The following SPIDR variants were observed in gnomAD, a reference collection of about 807,000 sequenced individuals.
SPIDR encodes the protein scaffold protein involved in DNA repair, also known as DNA repair-scaffolding protein.
A neutral mutation model predicts 104.6 loss-of-function variants in SPIDR; 93 were observed. That is an observed-to-expected ratio of 0.89 (90% CI 0.75 to 1.06). The LOEUF (loss-of-function observed/expected upper bound fraction) is 1.06, where lower values mean the gene tolerates loss of function less well. Ranked by LOEUF, SPIDR falls within the 50% of genes least tolerant of loss-of-function variation. The pLI is 0.00. For missense variants in SPIDR, 1,154 were observed against 1,111.2 expected (o/e 1.04, Z -0.55); for synonymous variants, 431 against 416.9 (o/e 1.03, Z -0.41).
Position 47,482,441 on chromosome 8 carries a change from A to G in SPIDR, c.1097+41899A>G, listed in dbSNP as rs2077000160. Among the ~76,000 whole-genome samples, 3 of 152,168 alleles carry G rather than the reference A, an allele frequency of 2.0e-5. No homozygotes were observed. The South Asian group carries it at 6.2e-4, about 32-fold the overall frequency. The stretch of plus-strand genomic sequence containing the variant: ...AGAGCGAGGCCCTGTCTCAAAAAAA[A>G]AAGTCTCATGACTTCGTCTCCTAGA... On this transcript the variant is annotated intron_variant, in intron 8 of 19. Transcript: ENST00000297423.
intron 14 of SPIDR, among the ~76,000 whole-genome samples, chr8:47,703,868 T>C (rs959572394): frequency 6.6e-6 from 1 of 151,974 alleles, no homozygotes; most frequent in Admixed American, 6.6e-5. Context: ...CACAGTGCGG[T>C]GTGTGTCAGG....
intron 7 of SPIDR, among the ~76,000 whole-genome samples, chr8:47,416,960 C>G (rs1471605598): frequency 1.6e-4 from 24 of 152,086 alleles, no homozygotes; most frequent in Non-Finnish European, 2.8e-4. Context: ...TGAACTCATC[C>G]TTTTTTTATG....
At chr8:47,623,056 G>A (rs1020264831) in intron 10 of SPIDR, among the ~76,000 whole-genome samples, 24 of 152,162 alleles carry the variant, frequency 1.6e-4, no homozygotes, top group Admixed American at 1.4e-3. Context: ...ACCTTGTAGT[G>A]CACTAACAGC....
intron 8 of SPIDR, among the ~76,000 whole-genome samples, chr8:47,516,970 G>T (rs933728669): frequency 6.6e-6 from 1 of 152,100 alleles, no homozygotes; most frequent in African/African-American, 2.4e-5. Flanking sequence ...ATTCTAATGG[G>T]TGTGAAGTGG....
chr8:47,317,763 A>G (rs1266428348), intron 5 of SPIDR, among the ~76,000 whole-genome samples: 1 of 152,038 alleles, frequency 6.6e-6, no homozygotes, highest in Non-Finnish European at 1.5e-5. Context: ...CAGAGGAACA[A>G]TCAGGCAGCA....
chr8:47,374,979 CG>C, intron 5 of SPIDR, among the ~76,000 whole-genome samples: 1 of 152,050 alleles, frequency 6.6e-6, no homozygotes, highest in East Asian at 1.9e-4. Flanking sequence ...CACTTGAACC[CG>C]GGCAGTGGAG....
In SPIDR at chr8:47,280,034, A is replaced by G. The variant is rs2037395909; in HGVS notation, c.189+17A>G. ...GGGAATCCGGTAAAGTATCTGTAGA[A>G]TTGTTTTCCCTGAATGCCAAAGAGG... On this transcript the variant is annotated intron_variant, in intron 2 of 19. Coordinates refer to ENST00000297423, the MANE Select transcript of SPIDR (RefSeq NM_001080394.4). 1.9e-6 allele frequency: 3 copies of G among 1,607,166 alleles called. No individual in the cohort carries two copies. Among genetic ancestry groups the G allele is most frequent in the East Asian group, 2.2e-5 (1 of 44,730 alleles).
chr8:47,564,769 G>A (rs2057559900), intron 8 of SPIDR, among the ~76,000 whole-genome samples: 1 of 151,640 alleles, frequency 6.6e-6, no homozygotes, highest in African/African-American at 2.4e-5. Context: ...AAGTAGACTA[G>A]TTTTAAAAAT....
At chr8:47,348,504 A>T (rs2052681239) in intron 5 of SPIDR, among the ~76,000 whole-genome samples, 1 of 152,096 alleles carries the variant, frequency 6.6e-6, no homozygotes, top group African/African-American at 2.4e-5. Context: ...TGCCTTGCGA[A>T]GTTGGGGAAG....
intron 10 of SPIDR, among the ~76,000 whole-genome samples, chr8:47,629,037 CCCTTT>C (rs1440853922): frequency 6.6e-6 from 1 of 152,190 alleles, no homozygotes; most frequent in Admixed American, 6.5e-5. Flanking sequence ...CTGAGATTCT[CCCTTT>C]AAGGGTCACA....
chr8:47,276,796 G>A (rs1295657280), intron 1 of SPIDR: 1 of 152,150 alleles, frequency 6.6e-6, no homozygotes, highest in Non-Finnish European at 1.5e-5. Flanking sequence ...TGATAGAACT[G>A]GTTAAAGTGG....
At chr8:47,410,880 T>G (rs1314135978) in intron 7 of SPIDR, among the ~76,000 whole-genome samples, 4 of 152,082 alleles carry the variant, frequency 2.6e-5, no homozygotes, top group Non-Finnish European at 2.9e-5. Context: ...TCATTGTTCA[T>G]TTCCCACCTA....
intron 8 of SPIDR, among the ~76,000 whole-genome samples, chr8:47,594,663 G>A (rs2061447041): frequency 1.3e-5 from 2 of 151,936 alleles, no homozygotes; most frequent in Non-Finnish European, 2.9e-5. Flanking sequence ...CGGGTTGCTG[G>A]CTCCTTCAGC....
intron 11 of SPIDR, among the ~76,000 whole-genome samples, chr8:47,697,006 G>C (rs2079422026): frequency 6.6e-6 from 1 of 152,158 alleles, no homozygotes; most frequent in Non-Finnish European, 1.5e-5. Context: ...CTCATCTCCA[G>C]TACAGCCCAG....
intron 5 of SPIDR, among the ~76,000 whole-genome samples, chr8:47,393,883 T>C (rs2060932293): frequency 6.6e-6 from 1 of 151,308 alleles, no homozygotes; most frequent in African/African-American, 2.4e-5. Flanking sequence ...CTTTGTCCTT[T>C]GTCCTGTCTT....
At chr8:47,533,856 T>C (rs1407244777) in intron 8 of SPIDR, among the ~76,000 whole-genome samples, 1 of 152,202 alleles carries the variant, frequency 6.6e-6, no homozygotes, top group Non-Finnish European at 1.5e-5. Context: ...GAAAGCAGTA[T>C]GGTGATTCCT....
chr8:47,610,667 C>G (rs529127245), intron 10 of SPIDR, among the ~76,000 whole-genome samples: 2 of 152,198 alleles, frequency 1.3e-5, no homozygotes, highest in Non-Finnish European at 1.5e-5. Context: ...CAGCTCAGCT[C>G]TTTCTCCACA....
intron 5 of SPIDR, among the ~76,000 whole-genome samples, chr8:47,367,809 G>T (rs1387627467): frequency 2.0e-5 from 3 of 152,172 alleles, no homozygotes; most frequent in African/African-American, 7.2e-5. Context: ...TGTATTCAGT[G>T]AACGAACGTA....
At chr8:47,581,002 G>T (rs1398036022) in intron 8 of SPIDR, among the ~76,000 whole-genome samples, 2 of 152,148 alleles carry the variant, frequency 1.3e-5, no homozygotes, top group African/African-American at 4.8e-5. Flanking sequence ...CAGGAAACTG[G>T]AAGAAGGAAT....
Sources: gnomAD v4.1 joint callset for allele counts (sites outside exome capture counted in the v4.1 genomes callset) on GRCh38, gnomAD v4.1.1 for gene constraint, MANE v1.5 for transcripts, NCBI Gene and HGNC (gene_info 2026-07-23, HGNC 2026-07-21) for gene names.